NCOA6: variants seen among roughly 807,000 people sequenced by gnomAD.
NCOA6 encodes nuclear receptor coactivator 6.
A neutral mutation model predicts 171.4 loss-of-function variants in NCOA6; 49 were observed. The ratio of observed to expected loss-of-function variants is 0.29; its 90% confidence interval spans 0.23 to 0.36. The LOEUF (loss-of-function observed/expected upper bound fraction) is 0.36, where lower values mean the gene tolerates loss of function less well. Among genes scored for constraint, NCOA6 ranks in the 10% least tolerant of loss-of-function variants. NCOA6 has a pLI of 1.00. For missense variants in NCOA6, 2,248 were observed against 2,554.5 expected (o/e 0.88, Z 2.59); for synonymous variants, 910 against 927.5 (o/e 0.98, Z 0.34).
chr20:34,732,662 C>A (rs1474617243), intron 12 of NCOA6, 67 bp from the exon 13 acceptor site: 1 of 1,394,942 alleles, frequency 7.2e-7, no homozygotes, highest in Admixed American at 1.8e-5. Context: ...TAGGAGTCTA[C>A]AAGAATTCTC....
intron 12 of NCOA6, among the ~76,000 whole-genome samples, chr20:34,733,603 T>C (rs2075853685): frequency 1.3e-5 from 2 of 152,126 alleles, no homozygotes; most frequent in African/African-American, 4.8e-5. Flanking sequence ...GAAATTTTAG[T>C]ATGGCACCTG....
intron 4 of NCOA6, among the ~76,000 whole-genome samples, chr20:34,770,635 C>CT (rs371855705): frequency 0.011 from 1,598 of 144,936 alleles, 25 homozygotes; most frequent in African/African-American, 0.034. Flanking sequence ...GGCCAAACTT[C>CT]TTTTTTTTTT....
Position 34,736,723 on chromosome 20 carries a change from T to A in NCOA6, c.5929A>T (p.Thr1977Ser), listed in dbSNP as rs754903219. The A allele has an allele frequency of 6.2e-7, 1 of 1,611,654 alleles. No individual in the cohort carries two copies. Among genetic ancestry groups the A allele is most frequent in the Non-Finnish European group, 8.5e-7 (1 of 1,178,686 alleles). The change falls in exon 12 of 15, where the codon ACC (threonine) becomes TCC (serine). Residue 1977 changes from threonine to serine, a missense_variant. Thr to Ser is a moderately conservative substitution (Grantham distance 58, BLOSUM62 1). This residue lies in a region of NCOA6 where 884 missense variants were observed against 941.9 expected (regional missense o/e 0.94). Coordinates refer to ENST00000359003, the MANE Select transcript of NCOA6 (RefSeq NM_014071.5). ...SQNLVSKETSTTALQASVARP... is the reference protein window; with the variant it reads ...SQNLVSKETSSTALQASVARP... The stretch of plus-strand genomic sequence containing the variant: ...GCAACAGAGGCCTGCAGTGCTGTGG[T>A]TGAAGTTTCCTTTGAGACTAAATTC...
At chr20:34,811,223 A>G (rs1253877648) in intron 1 of NCOA6, among the ~76,000 whole-genome samples, 1 of 135,860 alleles carries the variant, frequency 7.4e-6, no homozygotes, top group African/African-American at 2.8e-5. Context: ...ATATATATAT[A>G]TATATATATA....
chr20:34,757,189 T>A, intron 7 of NCOA6, 31 bp downstream of exon 7: 1 of 1,516,938 alleles, frequency 6.6e-7, no homozygotes, highest in South Asian at 1.3e-5. Flanking sequence ...CCAGCAAATT[T>A]ACCAACACAA....
At position 34,742,923 on chromosome 20, in the gene NCOA6, T is replaced by C; in HGVS notation, c.3333A>G (p.Lys1111=). 6.2e-7 allele frequency: 1 copy of C among 1,614,168 alleles called. No individual in the cohort carries two copies. Among genetic ancestry groups the C allele is most frequent in the African/African-American group, 1.3e-5 (1 of 75,048 alleles). ...TCTGCGGGCTCTCCTGATAGACCAT[T>C]TTCCTTGAATTGCTTCCCAAGGGAG... ...VNTPLGSNSR[K]MVYQESPQNP... is the part of the protein sequence containing the mutation. Residue 1111 remains lysine (K), a synonymous_variant, in exon 11 of 15, where the codon AAA becomes AAG. Transcript: ENST00000359003.
At chr20:34,801,319 CAA>C (rs1039591599) in intron 1 of NCOA6, among the ~76,000 whole-genome samples, 10 of 151,736 alleles carry the variant, frequency 6.6e-5, no homozygotes, top group Admixed American at 5.9e-4. Flanking sequence ...AAGAGCAAAC[CAA>C]ACTCAAAATT....
chr20:34,724,391 C>A lies in NCOA6; in HGVS notation c.6148+2868G>T, dbSNP rs533429884. ...ATTCTTGCCTAGAGACATAACCTGC[C>A]AACAGCAGCTGAGTCCTCAGATCCG... On this transcript the variant is annotated intron_variant, in intron 14 of 14. Transcript: ENST00000359003. 5.9e-5 allele frequency among the ~76,000 whole-genome samples: 9 copies of A among 152,302 alleles called. No individual in the cohort carries two copies. The South Asian group carries it at 1.9e-3, about 32-fold the overall frequency.
In NCOA6 at chr20:34,744,018, G is replaced by A. The variant is rs1348123916; in HGVS notation, c.2915-677C>T. 2.0e-5 allele frequency among the ~76,000 whole-genome samples: 3 copies of A among 152,106 alleles called. No homozygotes were observed. In the East Asian group the frequency reaches 5.8e-4, roughly 29 times the overall value. ...CGACTGAATTAAAATTGCCCTTCAG[G>A]TGTAAATCAGTTTAATAAACAGTAG... On this transcript the variant is annotated intron_variant, in intron 10 of 14. Transcript: ENST00000359003.
chr20:34,792,538 A>T lies in NCOA6; in HGVS notation c.-138T>A. 1 of 398,764 alleles carries T rather than the reference A, an allele frequency of 2.5e-6. No homozygotes were observed. The highest frequency in any genetic ancestry group is 6.3e-4 in the Middle Eastern group (1 of 1,582). The allele number at this position is 398,764 out of a possible 1,614,324, so 24.7% of individuals were successfully genotyped here. A position where few individuals can be genotyped will look rare whatever the true frequency, so the allele number is the denominator to read the frequency against. On this transcript the variant is annotated 5_prime_UTR_variant, in exon 2 of 15. Coordinates refer to ENST00000359003, the MANE Select transcript of NCOA6 (RefSeq NM_014071.5). ...ATTTTTAGGGCTTGGATTTCAAGGT[A>T]GCAGCCCAGCAGCCAAATCAAAATT...
intron 7 of NCOA6, 97 bp from the exon 8 acceptor site, chr20:34,754,965 C>T: frequency 7.8e-7 from 1 of 1,287,686 alleles, no homozygotes; most frequent in Non-Finnish European, 1.1e-6. Context: ...ATGAAGTCTC[C>T]ACTGGCTTAG....
intron 3 of NCOA6, among the ~76,000 whole-genome samples, chr20:34,781,655 C>T (rs948025814): frequency 2.6e-5 from 4 of 152,278 alleles, no homozygotes; most frequent in Non-Finnish European, 1.5e-5. Context: ...GGCCAAATAA[C>T]AAATGCCTGC....
intron 4 of NCOA6, among the ~76,000 whole-genome samples, chr20:34,771,277 G>A (rs943989179): frequency 1.3e-5 from 2 of 151,974 alleles, no homozygotes; most frequent in African/African-American, 4.8e-5. Flanking sequence ...ATGCCAACAT[G>A]CCTGGCTAAT....
At chr20:34,777,593 T>C (rs1220119821) in intron 3 of NCOA6, among the ~76,000 whole-genome samples, 1 of 150,406 alleles carries the variant, frequency 6.6e-6, no homozygotes, top group Admixed American at 6.6e-5. Flanking sequence ...CCAGCCTGGG[T>C]GACAGAACAA....
intron 8 of NCOA6, among the ~76,000 whole-genome samples, chr20:34,751,088 C>T (rs1049465342): frequency 3.4e-4 from 51 of 151,190 alleles, no homozygotes; most frequent in African/African-American, 1.2e-3. Flanking sequence ...TGTGAAGTGT[C>T]GGCCGGGCGC....
intron 5 of NCOA6, among the ~76,000 whole-genome samples, chr20:34,766,578 A>G (rs925975160): frequency 5.3e-5 from 8 of 152,320 alleles, no homozygotes; most frequent in African/African-American, 1.9e-4. Context: ...ACTATAATTT[A>G]CATGCACTTC....
chr20:34,789,651 T>C (rs377271211), intron 2 of NCOA6, among the ~76,000 whole-genome samples: 5 of 152,156 alleles, frequency 3.3e-5, no homozygotes, highest in South Asian at 2.1e-4. Context: ...TGTGTGCCTG[T>C]AGTCCCAGCA....
At position 34,749,392 on chromosome 20, in the gene NCOA6, T is replaced by C. The variant is rs1230039625; in HGVS notation, c.2792+11A>G. The C allele has an allele frequency of 3.2e-6, 5 of 1,576,356 alleles. No individual in the cohort carries two copies. Among genetic ancestry groups the C allele is most frequent in the African/African-American group, 1.4e-5 (1 of 73,108 alleles). On this transcript the variant is annotated intron_variant, in intron 9 of 14. Coordinates refer to ENST00000359003, the MANE Select transcript of NCOA6 (RefSeq NM_014071.5). ...ATGAATAAAATTTGAGGCAAAACCA[T>C]CACAACCTACTTTAGATCTTGCTGA...
In NCOA6 at chr20:34,755,349, T is replaced by C. The variant is rs1028827877; in HGVS notation, c.1529-481A>G. On this transcript the variant is annotated intron_variant, in intron 7 of 14. Transcript: ENST00000359003. ...TGATTATTTTTCCTTTGAGGGAAAC[T>C]GATGGCAATCTCCTTTGCAGAAAAT... Among the ~76,000 whole-genome samples the C allele has an allele frequency of 5.3e-5, 8 of 152,344 alleles. No individual in the cohort carries two copies. In the East Asian group the frequency reaches 1.5e-3, roughly 29 times the overall value.
Sources: allele counts gnomAD v4.1 joint callset (sites outside exome capture counted in the v4.1 genomes callset), GRCh38; gene constraint gnomAD v4.1.1; regional missense constraint gnomAD v4.1.1; transcripts MANE v1.5; gene names NCBI Gene and HGNC (gene_info 2026-07-23, HGNC 2026-07-21).